The following HARS1 variants were observed in gnomAD, a reference collection of about 807,000 sequenced individuals.
HARS1 encodes histidyl-tRNA synthetase 1, also known as histidine--tRNA ligase, cytoplasmic.
HARS1 carries 45 observed loss-of-function variants against 63.6 expected under a neutral mutation model. That is an observed-to-expected ratio of 0.71 (90% CI 0.56 to 0.91). The LOEUF (loss-of-function observed/expected upper bound fraction) is 0.91. Among genes scored for constraint, HARS1 ranks in the 40% least tolerant of loss-of-function variants. The pLI, the probability that HARS1 is intolerant of heterozygous loss-of-function variation, is 0.00. For missense variants in HARS1, 508 were observed against 643.2 expected (o/e 0.79, Z 2.27); for synonymous variants, 205 against 247.1 (o/e 0.83, Z 1.60).
chr5:140,691,169 C>T, intron 1 of HARS1, 46 bp downstream of exon 1: 4 of 1,406,746 alleles, frequency 2.8e-6, no homozygotes, highest in Non-Finnish European at 4.0e-6. Flanking sequence ...GCTTTACGTC[C>T]TCCCAGGCTT....
rs1180504166 is a variant in HARS1, at chr5:140,679,935, A to T, written c.301-52T>A. 1.9e-6 allele frequency: 2 copies of T among 1,061,526 alleles called. No individual in the cohort carries two copies. Among genetic ancestry groups the T allele is most frequent in the South Asian group, 2.7e-5 (2 of 75,146 alleles). 65.8% of individuals were successfully genotyped at this position (1,061,526 alleles called of 1,614,324 possible). A position where few individuals can be genotyped will look rare whatever the true frequency, so the allele number is the denominator to read the frequency against. On this transcript the variant is annotated intron_variant, in intron 3 of 12. Coordinates refer to ENST00000504156, the MANE Select transcript of HARS1 (RefSeq NM_002109.6). This position sits in a 1 kb window ranked among gnomAD's most constrained non-coding sequence, Gnocchi z 4.3. ...CATAATAATAAACATAACAATTTAA[A>T]AGGAAGTTTTGAAAACAAACATGAC... is the stretch of plus-strand genomic sequence containing the variant.
chr5:140,674,553 C>T (rs1160657039), intron 12 of HARS1, 126 bp downstream of exon 12: 5 of 1,078,484 alleles, frequency 4.6e-6, no homozygotes, highest in Non-Finnish European at 7.0e-6. Context: ...ACAGGTTAAG[C>T]CCTCAAGGCT....
intron 3 of HARS1, among the ~76,000 whole-genome samples, chr5:140,680,182 C>G (rs1192804473): frequency 6.6e-6 from 1 of 150,862 alleles, no homozygotes; most frequent in Admixed American, 6.6e-5. Context: ...GAGTCTCGCT[C>G]TGTCACCAGG....
rs1308210149 is a variant in HARS1, at chr5:140,674,246, G to C, written c.*11C>G. On this transcript the variant is annotated 3_prime_UTR_variant, in exon 13 of 13. Transcript: ENST00000504156. Reference sequence around the variant, plus strand: ...CAGTCCCACTTCCTTTCCTCTGATAGTTTGTTCAGTTCAGCAGATGCAGAG... The same window carrying C: ...CAGTCCCACTTCCTTTCCTCTGATACTTTGTTCAGTTCAGCAGATGCAGAG... The C allele has an allele frequency of 2.6e-6, 4 of 1,560,310 alleles. No homozygotes were observed. Among genetic ancestry groups the C allele is most frequent in the Non-Finnish European group, 3.5e-6 (4 of 1,130,864 alleles).
At position 140,679,900 on chromosome 5, in the gene HARS1, TA is replaced by T; in HGVS notation, c.301-18del. ...CAGTGTTTCCTGGAGAAAACATAAA[TA>T]AATGTGGTCATAATAATAAACATAA... On this transcript the variant is annotated intron_variant, in intron 3 of 12. Coordinates refer to ENST00000504156, the MANE Select transcript of HARS1 (RefSeq NM_002109.6). This position sits in a 1 kb window ranked among gnomAD's most constrained non-coding sequence, Gnocchi z 4.3. 7.5e-7 allele frequency: 1 copy of T among 1,333,806 alleles called. No individual in the cohort carries two copies. The highest frequency in any genetic ancestry group is 1.1e-6 in the Non-Finnish European group (1 of 927,358). 82.6% of individuals were successfully genotyped at this position (1,333,806 alleles called of 1,614,324 possible). A position where few individuals can be genotyped will look rare whatever the true frequency, so the allele number is the denominator to read the frequency against.
rs182498374 is a variant in HARS1, at chr5:140,688,641, G to A, written c.180+2214C>T. 3.5e-3 allele frequency among the ~76,000 whole-genome samples: 537 copies of A among 151,890 alleles called. 3 individuals carry two copies. Among genetic ancestry groups the A allele is most frequent in the African/African-American group, 0.012 (516 of 41,458 alleles). The stretch of plus-strand genomic sequence containing the variant: ...ATCAGCTTCAGAATGAAGTCTATGC[G>A]TTGTAATCAGCTGATATGTCTATTT... On this transcript the variant is annotated intron_variant, in intron 2 of 12. Transcript: ENST00000504156.
chr5:140,674,111 T>A lies in HARS1; in HGVS notation c.*146A>T. 8.6e-6 allele frequency: 6 copies of A among 696,676 alleles called. No individual in the cohort carries two copies. The highest frequency in any genetic ancestry group is 1.1e-5 in the Non-Finnish European group (4 of 376,086). 43.2% of individuals were successfully genotyped at this position (696,676 alleles called of 1,614,324 possible). On this transcript the variant is annotated 3_prime_UTR_variant, in exon 13 of 13. Coordinates refer to ENST00000504156, the MANE Select transcript of HARS1 (RefSeq NM_002109.6). ...CCAGTAATAATCAATAAAATAACCA[T>A]AATAAAAATCAAAGGCTCTGTTCTG...
Position 140,675,181 on chromosome 5 carries a change from G to A in HARS1, c.1195-48C>T, listed in dbSNP as rs549585736. On this transcript the variant is annotated intron_variant, in intron 10 of 12. Coordinates refer to ENST00000504156, the MANE Select transcript of HARS1 (RefSeq NM_002109.6). ...AGAGCTGGGCTAACACCTTCAAGGAGCAAACAAAGCAGGCTCTAGTCGGGA... is the reference window on the plus strand; with the variant it reads ...AGAGCTGGGCTAACACCTTCAAGGAACAAACAAAGCAGGCTCTAGTCGGGA... 9 of 1,178,956 alleles carry A rather than the reference G, an allele frequency of 7.6e-6. No individual in the cohort carries two copies. In the South Asian group the frequency reaches 1.1e-4, roughly 14 times the overall value. The allele number at this position is 1,178,956 out of a possible 1,614,324, so 73.0% of individuals were successfully genotyped here. A position where few individuals can be genotyped will look rare whatever the true frequency, so the allele number is the denominator to read the frequency against.
chr5:140,679,856 C>T lies in HARS1; in HGVS notation c.328G>A (p.Asp110Asn), dbSNP rs1758614997. 3.7e-6 allele frequency: 6 copies of T among 1,604,124 alleles called. No homozygotes were observed. In the South Asian group the frequency reaches 6.6e-5, roughly 18 times the overall value. ...KETLMGKYGE[D>N]SKLIYDLKDQ... ...TTCAGGTCATAGATAAGCTTGGAGT[C>T]TTCCCCATACTTTCCCATCAGTGTT... is the stretch of plus-strand genomic sequence containing the variant. Residue 110 changes from aspartate to asparagine, a missense_variant, in exon 4 of 13, where the codon GAC (aspartate) becomes AAC (asparagine). Around this residue, in one of 2 missense-constraint regions of HARS1, gnomAD observed 403 missense variants for 548.7 expected, o/e 0.73. Coordinates refer to ENST00000504156, the MANE Select transcript of HARS1 (RefSeq NM_002109.6). The surrounding 1 kb of genome is among the most constrained non-coding windows in gnomAD (Gnocchi z 4.3).
chr5:140,677,234 C>G (rs1758433914), intron 8 of HARS1, 93 bp downstream of exon 8: 5 of 1,367,808 alleles, frequency 3.7e-6, no homozygotes, highest in Middle Eastern at 1.8e-4. Context: ...CATAGACACA[C>G]TCACTCCCCT....
At position 140,679,512 on chromosome 5, in the gene HARS1, C is replaced by T; in HGVS notation, c.396+276G>A. 1 of 433,404 alleles carries T rather than the reference C, an allele frequency of 2.3e-6. No homozygotes were observed. The highest frequency in any genetic ancestry group is 4.1e-6 in the Non-Finnish European group (1 of 245,820). The allele number at this position is 433,404 out of a possible 1,614,324, so 26.8% of individuals were successfully genotyped here. A position where few individuals can be genotyped will look rare whatever the true frequency, so the allele number is the denominator to read the frequency against. The stretch of plus-strand genomic sequence containing the variant: ...AGTCCATTAAGAAGAATTTTGTTCA[C>T]TGGACAGGGCAGGGGAGAGGTATTC... On this transcript the variant is annotated intron_variant, in intron 4 of 12. Transcript: ENST00000504156. The surrounding 1 kb of genome is among the most constrained non-coding windows in gnomAD (Gnocchi z 4.3).
rs777214329 is a variant in HARS1, at chr5:140,676,999, A to G, written c.941T>C (p.Ile314Thr). 26 of 1,614,214 alleles carry G rather than the reference A, an allele frequency of 1.6e-5. 1 individual carries two copies. In the South Asian group the frequency reaches 2.5e-4, roughly 16 times the overall value. Reference sequence around the variant, plus strand: ...CCCAACTTGACTCACTTTGTCATCAATGCCAAATAGGGTCAGGTACTCAAA... The same window carrying G: ...CCCAACTTGACTCACTTTGTCATCAGTGCCAAATAGGGTCAGGTACTCAAA... Reference protein sequence around the residue: ...LLFEYLTLFGIDDKISFDLSL... With the variant: ...LLFEYLTLFGTDDKISFDLSL... The change falls in exon 9 of 13, where the codon ATT becomes ACT. Residue 314 changes from isoleucine to threonine, a missense_variant. Ile to Thr is a moderately conservative substitution (Grantham distance 89). Around this residue, in one of 2 missense-constraint regions of HARS1, gnomAD observed 403 missense variants for 548.7 expected, o/e 0.73. Coordinates refer to ENST00000504156, the MANE Select transcript of HARS1 (RefSeq NM_002109.6). The surrounding 1 kb of genome is among the most constrained non-coding windows in gnomAD (Gnocchi z 4.1).
chr5:140,679,399 GA>G lies in HARS1; in HGVS notation c.397-273del. ...GGCTGGGCAGGTTGGCCACAGACCAGAAAAAGGCGACCAGAAAAAGGCCCCC... is the reference window on the plus strand; with the variant it reads ...GGCTGGGCAGGTTGGCCACAGACCAGAAAAGGCGACCAGAAAAAGGCCCCC... On this transcript the variant is annotated intron_variant, in intron 4 of 12. Coordinates refer to ENST00000504156, the MANE Select transcript of HARS1 (RefSeq NM_002109.6). The surrounding 1 kb of genome is among the most constrained non-coding windows in gnomAD (Gnocchi z 4.3). 6 of 419,704 alleles carry G rather than the reference GA, an allele frequency of 1.4e-5. No individual in the cohort carries two copies. The highest frequency in any genetic ancestry group is 4.4e-5 in the East Asian group (1 of 22,744). 26.0% of individuals were successfully genotyped at this position (419,704 alleles called of 1,614,324 possible).
chr5:140,684,658 T>G (rs1758914586), intron 2 of HARS1: 1 of 152,714 alleles, frequency 6.5e-6, no homozygotes, highest in South Asian at 2.1e-4. Context: ...TTTTATACCC[T>G]ACTCCAAAGT....
At chr5:140,675,331 G>A (rs1449238204) in intron 10 of HARS1, 198 bp from the exon 11 acceptor site, 1 of 514,550 alleles carries the variant, frequency 1.9e-6, no homozygotes, top group Non-Finnish European at 3.5e-6. Flanking sequence ...TACATAGGAC[G>A]TATCAGAATA....
intron 10 of HARS1, chr5:140,675,600 C>G (rs1758322121): frequency 1.3e-5 from 2 of 151,718 alleles, no homozygotes; most frequent in African/African-American, 4.9e-5. Context: ...GACAGGGTCT[C>G]ATCATGTTGC....
At chr5:140,681,951 C>T (rs1053306290) in intron 3 of HARS1, among the ~76,000 whole-genome samples, 2 of 152,162 alleles carry the variant, frequency 1.3e-5, no homozygotes, top group African/African-American at 4.8e-5. Flanking sequence ...AAGGAAACAA[C>T]AGATAATTTC....
chr5:140,690,729 G>A lies in HARS1; in HGVS notation c.180+126C>T. Reference sequence around the variant, plus strand: ...AGTCCAGTCCAGCCCAGCGCCCAGAGCGACTGTCCTCTCCTCTGCAGCATT... The same window carrying A: ...AGTCCAGTCCAGCCCAGCGCCCAGAACGACTGTCCTCTCCTCTGCAGCATT... On this transcript the variant is annotated intron_variant, in intron 2 of 12. Coordinates refer to ENST00000504156, the MANE Select transcript of HARS1 (RefSeq NM_002109.6). The A allele has an allele frequency of 4.3e-6, 3 of 690,282 alleles. No homozygotes were observed. In the South Asian group the frequency reaches 4.9e-5, roughly 11 times the overall value. 42.8% of individuals were successfully genotyped at this position (690,282 alleles called of 1,614,324 possible).
rs902128103 is a variant in HARS1 at position 140,674,217 on chromosome 5, G to A, written c.*40C>T. The stretch of plus-strand genomic sequence containing the variant: ...ATGCAGTTTGTCTTAACCTCAAATA[G>A]TGCCAGTCCCACTTCCTTTCCTCTG... On this transcript the variant is annotated 3_prime_UTR_variant, in exon 13 of 13. Coordinates refer to ENST00000504156, the MANE Select transcript of HARS1 (RefSeq NM_002109.6). The A allele has an allele frequency of 1.4e-5, 17 of 1,257,598 alleles. No individual in the cohort carries two copies. The highest frequency in any genetic ancestry group is 1.9e-5 in the Non-Finnish European group (16 of 853,974). 77.9% of individuals were successfully genotyped at this position (1,257,598 alleles called of 1,614,324 possible). A position where few individuals can be genotyped will look rare whatever the true frequency, so the allele number is the denominator to read the frequency against.
Sources: allele counts gnomAD v4.1 joint callset (sites outside exome capture counted in the v4.1 genomes callset), GRCh38; gene constraint gnomAD v4.1.1; regional missense constraint gnomAD v4.1.1; non-coding constraint Gnocchi (gnomAD v3.1); transcripts MANE v1.5; gene names NCBI Gene and HGNC (gene_info 2026-07-23, HGNC 2026-07-21).